The following ZNF75A variants were observed in gnomAD, a reference collection of about 807,000 sequenced individuals.
ZNF75A encodes the protein zinc finger protein 75A.
ZNF75A carries 36 observed loss-of-function variants against 46.3 expected under a neutral mutation model. That is an observed-to-expected ratio of 0.78 (90% confidence interval 0.60 to 1.03). ZNF75A has a LOEUF of 1.03. Among genes scored for constraint, ZNF75A ranks in the 50% least tolerant of loss-of-function variants. The pLI is 0.00. For synonymous variants in ZNF75A, 234 were observed against 189.9 expected (o/e 1.23, Z -1.91); for missense variants, 595 against 551.3 (o/e 1.08, Z -0.79).
intron 5 of ZNF75A, among the ~76,000 whole-genome samples, chr16:3,313,517 C>T (rs953972690): frequency 6.6e-6 from 1 of 152,120 alleles, no homozygotes; most frequent in Non-Finnish European, 1.5e-5. Flanking sequence ...GTCATCATAC[C>T]CCACTGTTAA....
At position 3,313,129 on chromosome 16, in the gene ZNF75A, C is replaced by T. The variant is rs1447860592; in HGVS notation, c.777C>T (p.Leu259=). The T allele has an allele frequency of 1.9e-6, 3 of 1,613,910 alleles. No individual in the cohort carries two copies. Among genetic ancestry groups the T allele is most frequent in the Non-Finnish European group, 2.5e-6 (3 of 1,179,936 alleles). Reference sequence around the variant, plus strand: ...TATTGGATCCCACTCAGAAGGCCCTCTACAATGATGTAATGCAGGAAAACT... The same window carrying T: ...TATTGGATCCCACTCAGAAGGCCCTTTACAATGATGTAATGCAGGAAAACT... The part of the protein sequence containing the change: ...WELLDPTQKA[L]YNDVMQENYE... The change falls in exon 5 of 7, where the codon CTC becomes CTT. Residue 259 remains leucine, a synonymous_variant. Coordinates refer to ENST00000669516, the MANE Select transcript of ZNF75A (RefSeq NM_001302109.2).
chr16:3,318,148 G>C lies in ZNF75A; in HGVS notation c.*279G>C. 2 of 1,163,730 alleles carry C rather than the reference G, an allele frequency of 1.7e-6. No individual in the cohort carries two copies. Among genetic ancestry groups the C allele is most frequent in the Non-Finnish European group, 2.1e-6 (2 of 944,176 alleles). 72.1% of individuals were successfully genotyped at this position (1,163,730 alleles called of 1,614,324 possible). On this transcript the variant is annotated 3_prime_UTR_variant, in exon 7 of 7. Coordinates refer to ENST00000669516, the MANE Select transcript of ZNF75A (RefSeq NM_001302109.2). ...GCAGCATGGTCTTCCAAAACAAAAA[G>C]CAGTAACATGCATGTTTAATTGCAT...
intron 4 of ZNF75A, 33 bp downstream of exon 4, chr16:3,312,801 C>T (rs537275000): frequency 9.0e-7 from 1 of 1,113,146 alleles, no homozygotes; most frequent in African/African-American, 1.6e-5. Context: ...TGAGGGCTAC[C>T]TTTCTCTGCT....
rs1219706124 is a variant in ZNF75A, at chr16:3,311,926, G to C, written c.582G>C (p.Glu194Asp). The C allele has an allele frequency of 1.2e-5, 12 of 987,166 alleles. No homozygotes were observed. The highest frequency in any genetic ancestry group is 1.4e-5 in the Non-Finnish European group (12 of 830,430). 61.2% of individuals were successfully genotyped at this position (987,166 alleles called of 1,614,324 possible). A position where few individuals can be genotyped will look rare whatever the true frequency, so the allele number is the denominator to read the frequency against. ...AGCTCAGCAGGAATACTCATAAAGA[G>C]ACTGAGCCTGTGTATGAGAGGGGTA... is the stretch of plus-strand genomic sequence containing the variant. ...QEQLSRNTHKETEPVYERAVP... is the reference protein window; with the variant it reads ...QEQLSRNTHKDTEPVYERAVP... Residue 194 changes from glutamate (E) to aspartate (D), a missense_variant, in exon 3 of 7, where the codon GAG (glutamate) becomes GAC (aspartate). By Grantham distance (45) the Glu-to-Asp change is conservative. Transcript: ENST00000669516.
At chr16:3,305,961 C>T (rs1248976378) in intron 1 of ZNF75A, 1 of 152,268 alleles carries the variant, frequency 6.6e-6, no homozygotes, top group Non-Finnish European at 1.5e-5. Flanking sequence ...CGCCCGCAGA[C>T]TCTTTCCCGC....
chr16:3,320,381 C>G (rs867062545), downstream of ZNF75A, among the ~76,000 whole-genome samples: 7 of 152,186 alleles, frequency 4.6e-5, no homozygotes, highest in African/African-American at 1.7e-4. Flanking sequence ...AAAAGGGCAG[C>G]TGGGGGAGTG....
intron 5 of ZNF75A, 113 bp downstream of exon 5, chr16:3,313,288 G>C: frequency 9.2e-7 from 1 of 1,087,300 alleles, no homozygotes; most frequent in Non-Finnish European, 1.3e-6. Flanking sequence ...TTCTCATCTA[G>C]ATGGTATAGG....
In ZNF75A at chr16:3,313,320, C is replaced by T. The variant is rs1201738667; in HGVS notation, c.823+145C>T. 5.3e-6 allele frequency: 4 copies of T among 761,352 alleles called. No individual in the cohort carries two copies. In the African/African-American group the frequency reaches 5.3e-5, roughly 10 times the overall value. 47.2% of individuals were successfully genotyped at this position (761,352 alleles called of 1,614,324 possible). Reference sequence around the variant, plus strand: ...TAGGGGAGGGTGTAGGTAGTGTATCCAGATCACCTGTGGAGCTTTTTCCAA... The same window carrying T: ...TAGGGGAGGGTGTAGGTAGTGTATCTAGATCACCTGTGGAGCTTTTTCCAA... On this transcript the variant is annotated intron_variant, in intron 5 of 6. Transcript: ENST00000669516.
chr16:3,317,632 A>G lies in ZNF75A; in HGVS notation c.1377A>G (p.Lys459=), dbSNP rs759731228. 2 of 1,614,150 alleles carry G rather than the reference A, an allele frequency of 1.2e-6. No individual in the cohort carries two copies. Among genetic ancestry groups the G allele is most frequent in the Non-Finnish European group, 1.7e-6 (2 of 1,180,018 alleles). The change falls in exon 7 of 7, where the codon AAA becomes AAG. Residue 459 remains lysine (K), a synonymous_variant. Transcript: ENST00000669516. The stretch of plus-strand genomic sequence containing the variant: ...CACACCAAGGAATAAAACCATATAA[A>G]TGTTCATGGTGTGGGAAAAGCTTCA... ...LTTHQGIKPY[K]CSWCGKSFSQ... is the part of the protein sequence containing the mutation.
At chr16:3,310,652 A>C (rs991407638) in intron 2 of ZNF75A, 1 of 985,414 alleles carries the variant, frequency 1.0e-6, no homozygotes, top group African/African-American at 1.7e-5. Context: ...AACAAAAAAA[A>C]CAACTAGGGG....
chr16:3,310,888 C>G (rs1278332037), intron 2 of ZNF75A: 1 of 985,250 alleles, frequency 1.0e-6, no homozygotes, highest in Admixed American at 6.2e-5. Flanking sequence ...CTGCTGACCT[C>G]GGGTCTGCTG....
In ZNF75A at chr16:3,317,282, G is replaced by C. The variant is rs745978323; in HGVS notation, c.1027G>C (p.Ala343Pro). 2.5e-6 allele frequency: 4 copies of C among 1,614,004 alleles called. No individual in the cohort carries two copies. The African/African-American group carries it at 4.0e-5, about 16-fold the overall frequency. Reference protein sequence around the residue: ...QASAGVISKKAKVKVPQKTAG... With the variant: ...QASAGVISKKPKVKVPQKTAG... Reference sequence around the variant, plus strand: ...ATCAGCAGGCGTCATATCAAAAAAGGCCAAAGTAAAAGTTCCCCAGAAAAC... The same window carrying C: ...ATCAGCAGGCGTCATATCAAAAAAGCCCAAAGTAAAAGTTCCCCAGAAAAC... Residue 343 changes from alanine (A) to proline (P), a missense_variant, in exon 7 of 7, where the codon GCC (alanine) becomes CCC (proline). By Grantham distance (27) the Ala-to-Pro change is conservative. Coordinates refer to ENST00000669516, the MANE Select transcript of ZNF75A (RefSeq NM_001302109.2).
rs1428789024 is a variant in ZNF75A at position 3,312,918 on chromosome 16, T to G, written c.697-131T>G. Reference sequence around the variant, plus strand: ...CTGTGGGCTGACGCCTTTTCTCCTTTTTTTCTGCCTTCTCACTTAAAAAAA... The same window carrying G: ...CTGTGGGCTGACGCCTTTTCTCCTTGTTTTCTGCCTTCTCACTTAAAAAAA... On this transcript the variant is annotated intron_variant, in intron 4 of 6. Transcript: ENST00000669516. 6.7e-6 allele frequency: 9 copies of G among 1,336,460 alleles called. No individual in the cohort carries two copies. In the Admixed American group the frequency reaches 8.8e-5, roughly 13 times the overall value. The allele number at this position is 1,336,460 out of a possible 1,614,324, so 82.8% of individuals were successfully genotyped here.
chr16:3,323,021 C>G, downstream of ZNF75A: 1 of 690,858 alleles, frequency 1.4e-6, no homozygotes, highest in Non-Finnish European at 1.8e-6. Context: ...GAGGTACTTG[C>G]CATGAACCTA....
In ZNF75A at chr16:3,317,758, T is replaced by G; in HGVS notation, c.1503T>G (p.Leu501=). The G allele has an allele frequency of 6.2e-7, 1 of 1,614,152 alleles. No individual in the cohort carries two copies. Residue 501 remains leucine (L), a synonymous_variant, in exon 7 of 7, where the codon CTT becomes CTG. Transcript: ENST00000669516. ...CGKKFSQNSH[L]IKHRRTHTGE... is the part of the protein sequence containing the mutation. ...AAAAATTCAGTCAGAACTCCCACCT[T>G]ATTAAACACCGGAGAACCCACACAG... is the stretch of plus-strand genomic sequence containing the variant.
In ZNF75A at chr16:3,315,186, ATG is replaced by A. The variant is rs1567271511; in HGVS notation, c.824-1724_824-1723del. ...TGCTCAGGGCAAACAAAGTACTGTC[ATG>A]TTTTTTTTTTTTTTTTTTTTTGAGA... is the stretch of plus-strand genomic sequence containing the variant. On this transcript the variant is annotated intron_variant, in intron 5 of 6. Coordinates refer to ENST00000669516, the MANE Select transcript of ZNF75A (RefSeq NM_001302109.2). 3,766 of 409,284 alleles carry A rather than the reference ATG, an allele frequency of 9.2e-3. 31 individuals carry two copies. The highest frequency in any genetic ancestry group is 0.012 in the Non-Finnish European group (3,610 of 312,540). The allele number at this position is 409,284 out of a possible 1,614,324, so 25.4% of individuals were successfully genotyped here.
chr16:3,321,674 G>T (rs1316455914), downstream of ZNF75A, among the ~76,000 whole-genome samples: 1 of 152,048 alleles, frequency 6.6e-6, no homozygotes, highest in Admixed American at 6.6e-5. Context: ...TTGCTATGTT[G>T]CCCAGGCTGA....
chr16:3,314,913 CTG>C (rs1961085468), intron 5 of ZNF75A: 1 of 985,228 alleles, frequency 1.0e-6, no homozygotes, highest in Admixed American at 6.2e-5. Context: ...GTTGAGCAAT[CTG>C]TTCTCAGTTT....
chr16:3,317,252 C>A lies in ZNF75A; in HGVS notation c.997C>A (p.Gln333Lys), dbSNP rs765873605. 4 of 1,613,888 alleles carry A rather than the reference C, an allele frequency of 2.5e-6. No individual in the cohort carries two copies. Among genetic ancestry groups the A allele is most frequent in the Non-Finnish European group, 3.4e-6 (4 of 1,179,978 alleles). The stretch of plus-strand genomic sequence containing the variant: ...TGTGTCTCTTTCTGACTTAGAAATA[C>A]AAGCATCAGCAGGCGTCATATCAAA... ...QPVSLSDLEI[Q>K]ASAGVISKKA... is the part of the protein sequence containing the mutation. The change falls in exon 7 of 7, where the codon CAA (glutamine) becomes AAA (lysine). Residue 333 changes from glutamine to lysine, a missense_variant. By Grantham distance (53) the Gln-to-Lys change is moderately conservative (BLOSUM62 1). Transcript: ENST00000669516.
Sources: allele counts gnomAD v4.1 joint callset (sites outside exome capture counted in the v4.1 genomes callset), GRCh38; gene constraint gnomAD v4.1.1; transcripts MANE v1.5; gene names NCBI Gene and HGNC (gene_info 2026-07-23, HGNC 2026-07-21).